RHOBTB3: variants seen among roughly 807,000 people sequenced by gnomAD.
RHOBTB3 encodes the protein Rho related BTB domain containing 3.
RHOBTB3 carries 47 observed loss-of-function variants against 67.2 expected under a neutral mutation model. That is an observed-to-expected ratio of 0.70 (90% CI 0.55 to 0.89). RHOBTB3 has a LOEUF of 0.89. RHOBTB3 is among the 40% of genes least tolerant of loss of function. The pLI is 0.00. For missense variants in RHOBTB3, 631 were observed against 750.0 expected (o/e 0.84, Z 1.85); for synonymous variants, 273 against 274.2 (o/e 1.00, Z 0.04).
intron 8 of RHOBTB3, chr5:95,769,640 G>C (rs981800244): frequency 1.2e-5 from 2 of 164,794 alleles, no homozygotes; most frequent in African/African-American, 4.8e-5. Flanking sequence ...TCTAATTTTT[G>C]TGTACCTTAT....
At chr5:95,740,108 C>A (rs547596156) in intron 3 of RHOBTB3, among the ~76,000 whole-genome samples, 2 of 152,118 alleles carry the variant, frequency 1.3e-5, no homozygotes, top group South Asian at 2.1e-4. Flanking sequence ...TATAAAAGGG[C>A]AGTTCTGGTC....
At chr5:95,745,670 TATG>T (rs1744875185) in intron 3 of RHOBTB3, among the ~76,000 whole-genome samples, 1 of 152,094 alleles carries the variant, frequency 6.6e-6, no homozygotes, top group Non-Finnish European at 1.5e-5. Context: ...GACAGCATTT[TATG>T]ATAACATCTT....
chr5:95,765,274 CCTTTT>C (rs1359862044), intron 7 of RHOBTB3, among the ~76,000 whole-genome samples: 2 of 152,098 alleles, frequency 1.3e-5, no homozygotes, highest in Non-Finnish European at 2.9e-5. Context: ...AGAAATCTTG[CCTTTT>C]CTTCTAACCC....
chr5:95,776,350 T>C (rs940768603), intron 8 of RHOBTB3, among the ~76,000 whole-genome samples: 8 of 151,912 alleles, frequency 5.3e-5, no homozygotes, highest in African/African-American at 1.9e-4. Context: ...GAGGAAGCTG[T>C]GAGCTAAGAT....
intron 3 of RHOBTB3, among the ~76,000 whole-genome samples, chr5:95,738,304 TC>T (rs1289692437): frequency 6.6e-6 from 1 of 152,182 alleles, no homozygotes; most frequent in Non-Finnish European, 1.5e-5. Context: ...TATCTGCACT[TC>T]CTGAGTCCAT....
intron 6 of RHOBTB3, 194 bp downstream of exon 6, chr5:95,755,955 C>A: frequency 1.9e-6 from 1 of 530,120 alleles, no homozygotes; most frequent in South Asian, 3.2e-5. Flanking sequence ...TACAAATGTA[C>A]TTGCCTCATC....
chr5:95,788,659 A>T, intron 10 of RHOBTB3, 103 bp from the exon 11 acceptor site: 1 of 724,418 alleles, frequency 1.4e-6, no homozygotes, highest in Non-Finnish European at 2.3e-6. Flanking sequence ...CACATTAAAC[A>T]TGAATATGGG....
At chr5:95,791,978 A>G (rs1746409531) in intron 11 of RHOBTB3, among the ~76,000 whole-genome samples, 1 of 152,178 alleles carries the variant, frequency 6.6e-6, no homozygotes, top group Non-Finnish European at 1.5e-5. Flanking sequence ...TTCAAGATGC[A>G]GTTGCTCTAG....
At chr5:95,740,821 A>G (rs1387642506) in intron 3 of RHOBTB3, among the ~76,000 whole-genome samples, 1 of 152,206 alleles carries the variant, frequency 6.6e-6, no homozygotes, top group African/African-American at 2.4e-5. Flanking sequence ...GAAAGTTGAC[A>G]AGAATAAGAC....
chr5:95,739,197 C>A (rs1755535824), intron 3 of RHOBTB3, among the ~76,000 whole-genome samples: 1 of 152,226 alleles, frequency 6.6e-6, no homozygotes, highest in Non-Finnish European at 1.5e-5. Flanking sequence ...TCCATTCACC[C>A]AAACAAGAAT....
chr5:95,766,944 C>A (rs1170396013), intron 7 of RHOBTB3, among the ~76,000 whole-genome samples: 4 of 151,730 alleles, frequency 2.6e-5, no homozygotes, highest in African/African-American at 9.7e-5. Context: ...ACCAGCTGGG[C>A]CCGGTGGCTC....
chr5:95,743,237 G>A (rs1312315324), intron 3 of RHOBTB3, among the ~76,000 whole-genome samples: 2 of 152,032 alleles, frequency 1.3e-5, no homozygotes, highest in Admixed American at 6.5e-5. Flanking sequence ...TAAACATTGG[G>A]GAATTCTTAA....
At chr5:95,758,613 A>G (rs892005355) in intron 6 of RHOBTB3, among the ~76,000 whole-genome samples, 8 of 152,214 alleles carry the variant, frequency 5.3e-5, no homozygotes, top group African/African-American at 9.6e-5. Flanking sequence ...CAGGCATTCA[A>G]TCAGGAGGTC....
rs763216091 is a variant in RHOBTB3, at chr5:95,793,213, A to G, written c.*39A>G. The G allele has an allele frequency of 7.5e-7, 1 of 1,337,880 alleles. No homozygotes were observed. The highest frequency in any genetic ancestry group is 1.3e-5 in the South Asian group (1 of 78,620). 82.9% of individuals were successfully genotyped at this position (1,337,880 alleles called of 1,614,324 possible). On this transcript the variant is annotated 3_prime_UTR_variant, in exon 12 of 12. Transcript: ENST00000379982. ...TACACTACATTTCTTTTTTATTATT[A>G]TGAAGAATGGGATACCTCCAGGTTC...
At chr5:95,791,822 A>G (rs1336444473) in intron 11 of RHOBTB3, among the ~76,000 whole-genome samples, 1 of 152,068 alleles carries the variant, frequency 6.6e-6, no homozygotes, top group Non-Finnish European at 1.5e-5. Flanking sequence ...GTGGGATTAC[A>G]GACATGAGCC....
Position 95,780,444 on chromosome 5 carries a change from G to A in RHOBTB3, c.1456+19G>A. The A allele has an allele frequency of 6.2e-7, 1 of 1,602,708 alleles. No homozygotes were observed. The highest frequency in any genetic ancestry group is 8.5e-7 in the Non-Finnish European group (1 of 1,170,406). ...TGCCCAGGTTAGCAATACAAATGTT[G>A]ATAGTATCTCAGAATTCTTTCTTTC... On this transcript the variant is annotated intron_variant, in intron 9 of 11. Coordinates refer to ENST00000379982, the MANE Select transcript of RHOBTB3 (RefSeq NM_014899.4).
chr5:95,738,505 T>C (rs1383578446), intron 3 of RHOBTB3, among the ~76,000 whole-genome samples: 2 of 152,182 alleles, frequency 1.3e-5, no homozygotes, highest in Non-Finnish European at 2.9e-5. Flanking sequence ...CGTAAATGGA[T>C]TGATGCTATT....
chr5:95,764,386 G>A (rs1027070072), intron 7 of RHOBTB3, among the ~76,000 whole-genome samples: 2 of 152,168 alleles, frequency 1.3e-5, no homozygotes, highest in African/African-American at 4.8e-5. Flanking sequence ...TCTATTCAAC[G>A]AGGTGGACAG....
intron 3 of RHOBTB3, among the ~76,000 whole-genome samples, chr5:95,742,345 A>T (rs1755624046): frequency 6.6e-6 from 1 of 152,194 alleles, no homozygotes; most frequent in Non-Finnish European, 1.5e-5. Context: ...TTCATGAGGT[A>T]GCCTCTGACT....
Sources: gnomAD v4.1 joint callset for allele counts (sites outside exome capture counted in the v4.1 genomes callset) on GRCh38, gnomAD v4.1.1 for gene constraint, MANE v1.5 for transcripts, NCBI Gene and HGNC (gene_info 2026-07-23, HGNC 2026-07-21) for gene names.